PAGE2B: variants seen among roughly 807,000 people sequenced by gnomAD.
PAGE2B encodes putative G antigen family E member 3.
Under a neutral mutation model 7.6 loss-of-function variants are expected in PAGE2B, and 5 were observed. The ratio of observed to expected loss-of-function variants is 0.66; its 90% CI spans 0.34 to 1.38. PAGE2B has a LOEUF of 1.38. PAGE2B is among the 40% of genes most tolerant of loss of function. The pLI is 0.04. For synonymous variants in PAGE2B, 29 were observed against 26.7 expected (o/e 1.09, Z -0.27); for missense variants, 70 against 78.4 (o/e 0.89, Z 0.41).
chrX:55,029,775 AGAT>A, the PAGE2B span, among the ~76,000 whole-genome samples: 1 of 111,981 alleles, frequency 8.9e-6, no homozygotes, highest in Non-Finnish European at 1.9e-5. Context: ...TTAACCAAAG[AGAT>A]GATGGTGAAA....
the PAGE2B span, among the ~76,000 whole-genome samples, chrX:55,041,361 G>A: frequency 9.0e-6 from 1 of 111,092 alleles, no homozygotes; most frequent in African/African-American, 3.3e-5. Context: ...GATTACAGGC[G>A]TGAGCCACCG....
At chrX:55,047,756 G>C in the PAGE2B span, among the ~76,000 whole-genome samples, 1 of 111,575 alleles carries the variant, frequency 9.0e-6, no homozygotes, top group Admixed American at 9.5e-5. Context: ...CCCACTTTTT[G>C]ATGGGGTTGT....
upstream of PAGE2B, among the ~76,000 whole-genome samples, chrX:55,074,437 A>G (rs184376015): frequency 7.1e-5 from 8 of 112,245 alleles, no homozygotes; most frequent in African/African-American, 2.3e-4. Flanking sequence ...AAGAAAATTA[A>G]AAGAAGAGAG....
the PAGE2B span, among the ~76,000 whole-genome samples, chrX:55,028,136 T>C: frequency 9.0e-6 from 1 of 110,999 alleles, no homozygotes; most frequent in Non-Finnish European, 1.9e-5. Flanking sequence ...TCTGGAGATA[T>C]GTGTTTCCCT....
chrX:55,072,158 C>G (rs927016711), upstream of PAGE2B, among the ~76,000 whole-genome samples: 1 of 111,776 alleles, frequency 8.9e-6, no homozygotes, highest in Non-Finnish European at 1.9e-5. Flanking sequence ...AAGTTGCGAT[C>G]ATTTGGAATT....
the PAGE2B span, among the ~76,000 whole-genome samples, chrX:55,042,999 T>C: frequency 9.0e-6 from 1 of 111,293 alleles, no homozygotes; most frequent in African/African-American, 3.3e-5. Flanking sequence ...AATAGGCATA[T>C]ATATCAATGG....
At chrX:55,063,838 TTGA>T in the PAGE2B span, among the ~76,000 whole-genome samples, 1 of 111,735 alleles carries the variant, frequency 8.9e-6, no homozygotes, top group East Asian at 2.8e-4. Flanking sequence ...CTTCATTCTG[TTGA>T]TATGATTTAT....
chrX:55,049,963 C>G, the PAGE2B span, among the ~76,000 whole-genome samples: 2 of 112,136 alleles, frequency 1.8e-5, no homozygotes, highest in Non-Finnish European at 3.8e-5. Flanking sequence ...AAATTTTCCT[C>G]TACACACTGC....
chrX:55,076,446 A>G (rs1366834105), intron 2 of PAGE2B, 123 bp from the exon 3 acceptor site: 3 of 642,222 alleles, frequency 4.7e-6, no homozygotes, highest in African/African-American at 4.6e-5. Flanking sequence ...ACATATATGT[A>G]TATACATATA....
At chrX:55,075,003 T>C (rs772008469), upstream of PAGE2B, 1 of 114,653 alleles carries the variant, frequency 8.7e-6, no homozygotes, top group Admixed American at 9.2e-5. Flanking sequence ...CACGTGTCTG[T>C]TGTTGCGCAT....
chrX:55,042,421 G>A, the PAGE2B span, among the ~76,000 whole-genome samples: 7 of 109,762 alleles, frequency 6.4e-5, no homozygotes, highest in Admixed American at 3.9e-4. Flanking sequence ...TTGGGAGGCC[G>A]AGGTGGGCGG....
intron 2 of PAGE2B, among the ~76,000 whole-genome samples, 173 bp from the exon 3 acceptor site, chrX:55,076,382 GTATGTATATATGTA>G (rs1334561227): frequency 9.9e-6 from 1 of 101,364 alleles, no homozygotes; most frequent in Non-Finnish European, 1.9e-5. Context: ...ATGTATGTAT[GTATGTATATATGTA>G]TGTGTATATA....
chrX:55,055,207 A>T, the PAGE2B span: 1 of 109,462 alleles, frequency 9.1e-6, no homozygotes, highest in East Asian at 2.9e-4. Flanking sequence ...AAATACAAAA[A>T]TTAGCCAGGC....
chrX:55,076,161 C>T (rs373518399), intron 2 of PAGE2B, 36 bp downstream of exon 2: 121 of 1,174,426 alleles, frequency 1.0e-4, no homozygotes, highest in Non-Finnish European at 1.3e-4. Flanking sequence ...CCTATTAACA[C>T]AATTTATTTT....
At chrX:55,064,997 G>A in the PAGE2B span, among the ~76,000 whole-genome samples, 7 of 111,059 alleles carry the variant, frequency 6.3e-5, no homozygotes, top group African/African-American at 2.0e-4. Context: ...TGATCCATGC[G>A]CTAAGGAAAA....
At chrX:55,041,075 A>ATTCTTT in the PAGE2B span, among the ~76,000 whole-genome samples, 1 of 100,287 alleles carries the variant, frequency 1.0e-5, no homozygotes, top group South Asian at 4.5e-4. Context: ...GTGTTCAATA[A>ATTCTTT]TTCTTTTTTT....
At chrX:55,040,740 G>C in the PAGE2B span, among the ~76,000 whole-genome samples, 1 of 111,371 alleles carries the variant, frequency 9.0e-6, no homozygotes, top group African/African-American at 3.3e-5. Context: ...GATTATGATA[G>C]TTGTACAACA....
At chrX:55,051,675 C>T in the PAGE2B span, among the ~76,000 whole-genome samples, 15 of 111,838 alleles carry the variant, frequency 1.3e-4, no homozygotes, top group African/African-American at 3.3e-5. Flanking sequence ...CTTTTAAGGA[C>T]TTCTCTGCAT....
chrX:55,057,773 T>C, the PAGE2B span, among the ~76,000 whole-genome samples: 1 of 112,017 alleles, frequency 8.9e-6, no homozygotes, highest in South Asian at 3.7e-4. Context: ...GTATTTGTTT[T>C]GGGTCCAGTA....
Sources: gnomAD v4.1 joint callset for allele counts (sites outside exome capture counted in the v4.1 genomes callset) on GRCh38, gnomAD v4.1.1 for gene constraint, MANE v1.5 for transcripts, NCBI Gene and HGNC (gene_info 2026-07-23, HGNC 2026-07-21) for gene names.